KANSL1L: variants seen among roughly 807,000 people sequenced by gnomAD.
KANSL1L encodes KAT8 regulatory NSL complex subunit 1-like protein.
In KANSL1L, 25 loss-of-function variants were observed where a neutral mutation model predicts 108.6. That is an observed-to-expected ratio of 0.23 (90% confidence interval 0.17 to 0.32). The LOEUF is 0.32. KANSL1L is among the 10% of genes least tolerant of loss of function. The probability of loss-of-function intolerance (pLI) is 1.00; values close to 1 mark genes in which losing one functional copy is unlikely to be tolerated. For missense variants in KANSL1L, 1,137 were observed against 1,125.7 expected (o/e 1.01, Z -0.14); for synonymous variants, 405 against 395.1 (o/e 1.03, Z -0.30).
chr2:210,029,488 G>T (rs925573166), intron 10 of KANSL1L, among the ~76,000 whole-genome samples: 9 of 151,960 alleles, frequency 5.9e-5, no homozygotes, highest in African/African-American at 2.2e-4. Flanking sequence ...AACAGGACAA[G>T]AACAAGAAAG....
At position 210,022,905 on chromosome 2, in the gene KANSL1L, C is replaced by T. The variant is rs772969356; in HGVS notation, c.*44G>A. 1.0e-5 allele frequency: 14 copies of T among 1,357,810 alleles called. No individual in the cohort carries two copies. The highest frequency in any genetic ancestry group is 1.2e-5 in the Non-Finnish European group (11 of 951,460). 84.1% of individuals were successfully genotyped at this position (1,357,810 alleles called of 1,614,324 possible). ...GATCCAGAACAGGGCTTTATTTCCT[C>T]CCATCTTTCCTACATTTACATAGTT... On this transcript the variant is annotated 3_prime_UTR_variant, in exon 15 of 15. Transcript: ENST00000281772.
At chr2:210,144,321 C>T (rs1213604613) in intron 2 of KANSL1L, among the ~76,000 whole-genome samples, 1 of 152,158 alleles carries the variant, frequency 6.6e-6, no homozygotes, top group Non-Finnish European at 1.5e-5. Context: ...GACTGGAGAA[C>T]TTTGACTCTC....
Position 210,154,517 on chromosome 2 carries a change from C to T in KANSL1L, c.66G>A (p.Met22Ile), listed in dbSNP as rs1451864484. Residue 22 changes from methionine (M) to isoleucine (I), a missense_variant, in exon 2 of 15, where the codon ATG (methionine) becomes ATA (isoleucine). Around this residue, in one of 3 missense-constraint regions of KANSL1L, gnomAD observed 556 missense variants for 537.7 expected, o/e 1.03. Transcript: ENST00000281772. Reference protein sequence around the residue: ...GISFSSLPSTMESDKMLYMES... With the variant: ...GISFSSLPSTIESDKMLYMES... ...CCATGTAGAGCATCTTGTCAGACTC[C>T]ATGGTACTTGGCAAAGATGAAAAGC... is the stretch of plus-strand genomic sequence containing the variant. 6.3e-7 allele frequency: 1 copy of T among 1,596,130 alleles called. No homozygotes were observed. Among genetic ancestry groups the T allele is most frequent in the South Asian group, 1.1e-5 (1 of 87,798 alleles).
intron 5 of KANSL1L, among the ~76,000 whole-genome samples, chr2:210,086,862 C>T (rs12328160): frequency 1.2e-3 from 185 of 151,874 alleles, no homozygotes; most frequent in African/African-American, 4.3e-3. Flanking sequence ...AATAAGCATG[C>T]TTTATTAGAA....
intron 2 of KANSL1L, among the ~76,000 whole-genome samples, chr2:210,138,264 T>C (rs1387223181): frequency 6.6e-6 from 1 of 151,984 alleles, no homozygotes; most frequent in African/African-American, 2.4e-5. Context: ...GGGCTAAATA[T>C]TGGGTAAACA....
chr2:210,106,762 CAA>C (rs367609630), intron 3 of KANSL1L, among the ~76,000 whole-genome samples: 8 of 123,460 alleles, frequency 6.5e-5, no homozygotes, highest in East Asian at 2.3e-4. Flanking sequence ...GAGACTCTGT[CAA>C]AAAAAAAAAA....
intron 3 of KANSL1L, among the ~76,000 whole-genome samples, chr2:210,107,337 C>T (rs1017969192): frequency 7.9e-5 from 12 of 151,714 alleles, no homozygotes; most frequent in Non-Finnish European, 1.5e-4. Context: ...TTTGATATAG[C>T]CAGTGTTCTC....
chr2:210,155,615 G>A (rs1184220926), intron 1 of KANSL1L, among the ~76,000 whole-genome samples: 4 of 152,046 alleles, frequency 2.6e-5, no homozygotes, highest in East Asian at 1.9e-4. Flanking sequence ...TCAGATAACC[G>A]CTAAAGATTT....
intron 5 of KANSL1L, among the ~76,000 whole-genome samples, chr2:210,077,428 A>G (rs2094550356): frequency 6.6e-6 from 1 of 152,266 alleles, no homozygotes; most frequent in South Asian, 2.1e-4. Context: ...ATTTTCTGTC[A>G]TATCAAGGGG....
rs1559539831 is a variant in KANSL1L at position 210,079,666 on chromosome 2, G to GTGTGTATATATATATATATA, written c.1551-3911_1551-3910insTATATATATATATATACACA. 6.5e-4 allele frequency: 12 copies of GTGTGTATATATATATATATA among 18,422 alleles called. 1 individual carries two copies. The highest frequency in any genetic ancestry group is 1.6e-3 in the East Asian group (1 of 642). 1.1% of individuals were successfully genotyped at this position (18,422 alleles called of 1,614,324 possible). ...TATATATATATATATATATATATATGTATGTGTGTATATATATATATATAT... is the reference window on the plus strand; with the variant it reads ...TATATATATATATATATATATATATGTGTGTATATATATATATATATATGTGTGTATATATATATATATAT... On this transcript the variant is annotated intron_variant, in intron 5 of 14. Transcript: ENST00000281772.
chr2:210,058,246 C>T (rs1056527590), intron 6 of KANSL1L, among the ~76,000 whole-genome samples: 2 of 152,122 alleles, frequency 1.3e-5, no homozygotes, highest in African/African-American at 4.8e-5. Flanking sequence ...GAAATAAGCC[C>T]CAGTCTCCCG....
At chr2:210,162,372 C>A (rs2095366758) in intron 1 of KANSL1L, among the ~76,000 whole-genome samples, 1 of 151,368 alleles carries the variant, frequency 6.6e-6, no homozygotes, top group Non-Finnish European at 1.5e-5. Flanking sequence ...TTAGCTTGAG[C>A]AACTGGGTGG....
upstream of KANSL1L, among the ~76,000 whole-genome samples, chr2:210,171,995 TAAA>T (rs71043977): frequency 2.1e-5 from 3 of 145,710 alleles, no homozygotes; most frequent in South Asian, 6.5e-4. Flanking sequence ...GTTTTATGAT[TAAA>T]AAAAAAAAAA....
At chr2:210,140,834 T>A (rs1196295027) in intron 2 of KANSL1L, among the ~76,000 whole-genome samples, 1 of 151,950 alleles carries the variant, frequency 6.6e-6, no homozygotes. Context: ...TGTTTAGTTG[T>A]TGGTGTACAT....
intron 2 of KANSL1L, among the ~76,000 whole-genome samples, chr2:210,140,592 G>A (rs946981063): frequency 1.3e-4 from 20 of 152,284 alleles, no homozygotes; most frequent in African/African-American, 4.3e-4. Context: ...GTAATGTGGT[G>A]CCTCCAGCTT....
At chr2:210,125,180 G>A (rs1278363792) in intron 3 of KANSL1L, among the ~76,000 whole-genome samples, 2 of 152,310 alleles carry the variant, frequency 1.3e-5, no homozygotes, top group East Asian at 1.9e-4. Flanking sequence ...CCTGAACCCA[G>A]GAGGCAGAGG....
intron 1 of KANSL1L, among the ~76,000 whole-genome samples, chr2:210,156,597 C>T (rs2095334541): frequency 6.6e-6 from 1 of 151,958 alleles, no homozygotes; most frequent in African/African-American, 2.4e-5. Context: ...AAATATAACA[C>T]AAACACAAAA....
At chr2:210,067,545 A>C (rs893711803) in intron 6 of KANSL1L, among the ~76,000 whole-genome samples, 25 of 151,850 alleles carry the variant, frequency 1.6e-4, no homozygotes. Context: ...AAAAAATATA[A>C]AGGAAAAATT....
At position 210,153,733 on chromosome 2, in the gene KANSL1L, T is replaced by G. The variant is rs1575629296; in HGVS notation, c.850A>C (p.Asn284His). ...TFHEPTTILGNSLPKCTEIKP... is the reference protein window; with the variant it reads ...TFHEPTTILGHSLPKCTEIKP... Reference sequence around the variant, plus strand: ...ATTTCAGTGCATTTAGGTAAACTATTACCCAAAATTGTGGTAGGTTCATGA... The same window carrying G: ...ATTTCAGTGCATTTAGGTAAACTATGACCCAAAATTGTGGTAGGTTCATGA... The change falls in exon 2 of 15, where the codon AAT becomes CAT. Residue 284 changes from asparagine to histidine, a missense_variant. Asn to His is a moderately conservative substitution (Grantham distance 68). Transcript: ENST00000281772. The G allele has an allele frequency of 5.6e-6, 9 of 1,605,548 alleles. No homozygotes were observed. In the East Asian group the frequency reaches 2.0e-4, roughly 36 times the overall value.
Sources: allele counts gnomAD v4.1 joint callset (sites outside exome capture counted in the v4.1 genomes callset), GRCh38; gene constraint gnomAD v4.1.1; regional missense constraint gnomAD v4.1.1; transcripts MANE v1.5; gene names NCBI Gene and HGNC (gene_info 2026-07-23, HGNC 2026-07-21).